DAB2IP: variants seen among roughly 807,000 people sequenced by gnomAD.
DAB2IP encodes the protein DAB2 interacting protein.
A neutral mutation model predicts 107.2 loss-of-function variants in DAB2IP; 28 were observed. The observed-to-expected ratio is 0.26, with a 90% CI of 0.19 to 0.36. DAB2IP has a LOEUF of 0.36. DAB2IP is among the 10% of genes least tolerant of loss of function. The probability of loss-of-function intolerance (pLI) is 1.00; values close to 1 mark genes in which losing one functional copy is unlikely to be tolerated. For synonymous variants in DAB2IP, 755 were observed against 706.4 expected (o/e 1.07, Z -1.09); for missense variants, 1,400 against 1,644.7 (o/e 0.85, Z 2.57).
At chr9:121,741,604 G>A (rs1436590023) in intron 3 of DAB2IP, among the ~76,000 whole-genome samples, 2 of 152,010 alleles carry the variant, frequency 1.3e-5, no homozygotes, top group Non-Finnish European at 2.9e-5. Flanking sequence ...GTCTCCTTAT[G>A]GGACGGAGCA....
chr9:121,682,616 G>A (rs974433146), intron 2 of DAB2IP, among the ~76,000 whole-genome samples: 3 of 152,220 alleles, frequency 2.0e-5, no homozygotes, highest in African/African-American at 7.2e-5. Context: ...CCTGCCTCTT[G>A]TAGACTGTAT....
At chr9:121,644,625 A>C (rs1280193945) in intron 1 of DAB2IP, among the ~76,000 whole-genome samples, 1 of 152,108 alleles carries the variant, frequency 6.6e-6, no homozygotes, top group Non-Finnish European at 1.5e-5. Context: ...AAAGAGAGAG[A>C]GAGAAAGAGA....
chr9:121,747,468 C>T (rs1218056769), intron 3 of DAB2IP, among the ~76,000 whole-genome samples: 5 of 152,028 alleles, frequency 3.3e-5, no homozygotes, highest in Admixed American at 2.0e-4. Context: ...CTGCCTCAGC[C>T]TCCCGAGTAG....
intron 3 of DAB2IP, among the ~76,000 whole-genome samples, chr9:121,750,327 G>A (rs781137787): frequency 3.3e-5 from 5 of 151,892 alleles, no homozygotes; most frequent in East Asian, 2.0e-4. Flanking sequence ...GTGTGCGCGC[G>A]CGCGTGTGTG....
chr9:121,606,784 T>A (rs950493279), intron 1 of DAB2IP, among the ~76,000 whole-genome samples: 2 of 151,724 alleles, frequency 1.3e-5, no homozygotes, highest in Non-Finnish European at 2.9e-5. Flanking sequence ...TTGTTTTTTT[T>A]TTTTTCTTGA....
At chr9:121,774,261 G>A in exon 13 of DAB2IP, 1 of 1,609,038 alleles carries the variant, frequency 6.2e-7, no homozygotes, top group Non-Finnish European at 8.5e-7. Context: ...TCATTGTAGG[G>A]CCCTTCACCT....
intron 2 of DAB2IP, among the ~76,000 whole-genome samples, chr9:121,692,299 A>G (rs1829203674): frequency 6.6e-6 from 1 of 152,024 alleles, no homozygotes; most frequent in Non-Finnish European, 1.5e-5. Context: ...GTGCTGATCA[A>G]TGTGTATGTG....
chr9:121,636,795 G>A (rs1832106262), intron 1 of DAB2IP, among the ~76,000 whole-genome samples: 1 of 152,212 alleles, frequency 6.6e-6, no homozygotes, highest in African/African-American at 2.4e-5. Context: ...AAGCCAAAAT[G>A]ACACGGTGCA....
At chr9:121,769,434 G>A (rs552520073) in intron 10 of DAB2IP, among the ~76,000 whole-genome samples, 2 of 152,342 alleles carry the variant, frequency 1.3e-5, no homozygotes, top group South Asian at 4.1e-4. Context: ...AACATACTGT[G>A]TATGCTGCTG....
upstream of DAB2IP, among the ~76,000 whole-genome samples, chr9:121,648,585 CTACT>C (rs978105828): frequency 2.0e-5 from 3 of 152,140 alleles, no homozygotes; most frequent in Non-Finnish European, 2.9e-5. Flanking sequence ...ACCCACACCC[CTACT>C]TACTAAACTT....
In DAB2IP at chr9:121,699,410, T is replaced by G. The variant is rs1829638324; in HGVS notation, c.314T>G (p.Ile105Ser). 1 of 1,467,044 alleles carries G rather than the reference T, an allele frequency of 6.8e-7. No homozygotes were observed. The highest frequency in any genetic ancestry group is 9.1e-7 in the Non-Finnish European group (1 of 1,099,164). 90.9% of individuals were successfully genotyped at this position (1,467,044 alleles called of 1,614,324 possible). ...GACCGCAACCACAGCTTCCGCCACA[T>G]CCTGCCGGGGTTCCGGAGCGCCGCC... Residue 105 changes from isoleucine to serine, a missense_variant, in exon 3 of 16, where the codon ATC becomes AGC. This residue lies in a region of DAB2IP where 283 missense variants were observed against 237.0 expected (regional missense o/e 1.19). Coordinates refer to ENST00000408936, the Ensembl canonical transcript of DAB2IP. This position sits in a 1 kb window ranked among gnomAD's most constrained non-coding sequence, Gnocchi z 6.2.
At chr9:121,729,780 A>G (rs543101229) in intron 3 of DAB2IP, among the ~76,000 whole-genome samples, 1 of 152,356 alleles carries the variant, frequency 6.6e-6, no homozygotes, top group Non-Finnish European at 1.5e-5. Context: ...ATTCACCAAC[A>G]CTAGAACATT....
chr9:121,760,912 C>T lies in DAB2IP; in HGVS notation c.1170+473C>T, dbSNP rs1352122138. Among the ~76,000 whole-genome samples, 1 of 152,230 alleles carries T rather than the reference C, an allele frequency of 6.6e-6. No homozygotes were observed. Among genetic ancestry groups the T allele is most frequent in the Non-Finnish European group, 1.5e-5 (1 of 68,032 alleles). On this transcript the variant is annotated intron_variant, in intron 6 of 15. Coordinates refer to ENST00000408936, the Ensembl canonical transcript of DAB2IP. The surrounding 1 kb of genome is among the most constrained non-coding windows in gnomAD (Gnocchi z 5.9). ...ACAGCTCTACCTCACCCCACACTCT[C>T]ACCCAGACACACAGATTGTCACACA...
chr9:121,695,830 C>T (rs1307684603), intron 2 of DAB2IP, among the ~76,000 whole-genome samples: 2 of 152,180 alleles, frequency 1.3e-5, no homozygotes, highest in African/African-American at 4.8e-5. Flanking sequence ...CTGTCGGCTA[C>T]ACTCTGAGCC....
At chr9:121,704,372 C>G (rs547506846) in intron 3 of DAB2IP, among the ~76,000 whole-genome samples, 6 of 152,174 alleles carry the variant, frequency 3.9e-5, no homozygotes, top group Non-Finnish European at 8.8e-5. Context: ...TTTGGATAGG[C>G]AGAAAAAGGG....
At chr9:121,648,733 T>C (rs1040210536), upstream of DAB2IP, among the ~76,000 whole-genome samples, 1 of 151,892 alleles carries the variant, frequency 6.6e-6, no homozygotes, top group African/African-American at 2.4e-5. Context: ...ATGGGAGAGG[T>C]GGGAGCTGGG....
chr9:121,580,878 G>A (rs1307355676), intron 1 of DAB2IP, among the ~76,000 whole-genome samples: 3 of 152,158 alleles, frequency 2.0e-5, no homozygotes, highest in East Asian at 3.8e-4. Context: ...ACCCACCTTG[G>A]CCTCCCCAAG....
At chr9:121,785,425 GTAA>G (rs1293558699) in exon 16 of DAB2IP, 1 of 152,686 alleles carries the variant, frequency 6.5e-6, no homozygotes, top group Non-Finnish European at 1.5e-5. Flanking sequence ...TTTTAACTAT[GTAA>G]TAATGTACAG....
At chr9:121,717,802 C>T (rs1442174321) in intron 3 of DAB2IP, among the ~76,000 whole-genome samples, 2 of 152,202 alleles carry the variant, frequency 1.3e-5, no homozygotes, top group Admixed American at 1.3e-4. Context: ...TCCTGGACTT[C>T]CTGCTGTTCC....
Sources: gnomAD v4.1 joint callset for allele counts (sites outside exome capture counted in the v4.1 genomes callset) on GRCh38, gnomAD v4.1.1 for gene constraint, gnomAD v4.1.1 regional missense constraint, Gnocchi (gnomAD v3.1) non-coding constraint, MANE v1.5 for transcripts, NCBI Gene and HGNC (gene_info 2026-07-23, HGNC 2026-07-21) for gene names.